FAM227B: variants seen among roughly 807,000 people sequenced by gnomAD.
FAM227B encodes family with sequence similarity 227 member B.
A neutral mutation model predicts 73.8 loss-of-function variants in FAM227B; 88 were observed. That is an observed-to-expected ratio of 1.19 (90% CI 1.00 to 1.42). The LOEUF is 1.42. FAM227B is among the 40% of genes most tolerant of loss of function. FAM227B has a pLI of 0.00. For missense variants in FAM227B, 632 were observed against 590.9 expected (o/e 1.07, Z -0.72); for synonymous variants, 210 against 190.5 (o/e 1.10, Z -0.84).
At chr15:49,522,063 T>G (rs1273122700) in intron 10 of FAM227B, among the ~76,000 whole-genome samples, 1 of 152,092 alleles carries the variant, frequency 6.6e-6, no homozygotes, top group East Asian at 1.9e-4. Flanking sequence ...GAGATAAGCT[T>G]CCTAAGACAT....
chr15:49,588,599 AT>A (rs1866157112), intron 4 of FAM227B, among the ~76,000 whole-genome samples: 1 of 107,792 alleles, frequency 9.3e-6, no homozygotes, highest in African/African-American at 3.6e-5. Flanking sequence ...ATATATATAT[AT>A]AAAATTACCT....
chr15:49,393,212 G>A (rs934721627), intron 11 of FAM227B, among the ~76,000 whole-genome samples: 1 of 151,990 alleles, frequency 6.6e-6, no homozygotes, highest in Non-Finnish European at 1.5e-5. Context: ...GTGGGGAGAG[G>A]GCTCAAATGT....
chr15:49,538,853 T>A (rs752797197), intron 10 of FAM227B, among the ~76,000 whole-genome samples: 1 of 152,166 alleles, frequency 6.6e-6, no homozygotes, highest in Admixed American at 6.6e-5. Flanking sequence ...TCTTTTTCTA[T>A]TGTTTAGTTG....
At chr15:49,366,234 T>C (rs2045160256) in intron 13 of FAM227B, 1 of 786,538 alleles carries the variant, frequency 1.3e-6, no homozygotes, top group Non-Finnish European at 2.4e-6. Context: ...TTTCCTAGAG[T>C]CTGCTTCATA....
intron 13 of FAM227B, among the ~76,000 whole-genome samples, chr15:49,355,980 C>A (rs2151350187): frequency 6.6e-6 from 1 of 151,340 alleles, no homozygotes; most frequent in Middle Eastern, 3.4e-3. Flanking sequence ...ATTTCATATC[C>A]AGCCAAACTA....
intron 11 of FAM227B, among the ~76,000 whole-genome samples, chr15:49,494,577 G>T (rs2057435111): frequency 6.6e-6 from 1 of 152,058 alleles, no homozygotes; most frequent in Non-Finnish European, 1.5e-5. Flanking sequence ...CTCTCAGTTG[G>T]AGGCTCTTTT....
At chr15:49,480,239 A>G (rs555384804) in intron 11 of FAM227B, among the ~76,000 whole-genome samples, 2 of 152,298 alleles carry the variant, frequency 1.3e-5, no homozygotes, top group South Asian at 4.1e-4. Context: ...TTTACAAAGA[A>G]TTTTTGGTAT....
At chr15:49,468,807 C>A (rs146255392) in intron 11 of FAM227B, among the ~76,000 whole-genome samples, 1 of 152,198 alleles carries the variant, frequency 6.6e-6, no homozygotes, top group Middle Eastern at 3.2e-3. Flanking sequence ...TATCCCAATA[C>A]TAGCACTGAC....
At chr15:49,373,938 T>C (rs1332617767) in intron 11 of FAM227B, among the ~76,000 whole-genome samples, 1 of 152,192 alleles carries the variant, frequency 6.6e-6, no homozygotes, top group Admixed American at 6.5e-5. Context: ...TTTAATCTTG[T>C]ATTGAAATGC....
intron 11 of FAM227B, among the ~76,000 whole-genome samples, chr15:49,500,091 T>G (rs1015621787): frequency 6.6e-6 from 1 of 152,238 alleles, no homozygotes; most frequent in Non-Finnish European, 1.5e-5. Context: ...TTGTAAAATA[T>G]GTATCTGAAA....
rs926595798 is a variant in FAM227B at position 49,411,865 on chromosome 15, T to C, written c.1013-40466A>G. 2.0e-5 allele frequency among the ~76,000 whole-genome samples: 3 copies of C among 152,086 alleles called. No homozygotes were observed. The East Asian group carries it at 5.8e-4, about 29-fold the overall frequency. ...CCAAAATTGTGCACAAATAATAGGA[T>C]ATATCAATTGTTATGGGGAATTTTA... On this transcript the variant is annotated intron_variant, in intron 11 of 15. Coordinates refer to ENST00000299338, the MANE Select transcript of FAM227B (RefSeq NM_152647.3).
In FAM227B at chr15:49,481,602, T is replaced by C. The variant is rs1185056958; in HGVS notation, c.1012+26609A>G. ...CTCTAGCCTATTCAGGCCTGTGTTC[T>C]TCAAAATTCTGCAAAATATATGGAC... On this transcript the variant is annotated intron_variant, in intron 11 of 15. Transcript: ENST00000299338. Among the ~76,000 whole-genome samples, 9 of 152,294 alleles carry C rather than the reference T, an allele frequency of 5.9e-5. No individual in the cohort carries two copies. The South Asian group carries it at 1.5e-3, about 25-fold the overall frequency.
intron 11 of FAM227B, chr15:49,434,426 T>G (rs2050901056): frequency 6.6e-6 from 1 of 151,308 alleles, no homozygotes; most frequent in Non-Finnish European, 1.5e-5. Context: ...TCAGAGTGAG[T>G]AAGTTTAGGG....
At chr15:49,366,749 C>A in intron 13 of FAM227B, 1 of 827,658 alleles carries the variant, frequency 1.2e-6, no homozygotes, top group Admixed American at 2.3e-5. Flanking sequence ...GCTGGGAGTC[C>A]CGCCACTGCG....
chr15:49,538,002 G>A (rs2070511807), intron 10 of FAM227B, among the ~76,000 whole-genome samples: 2 of 152,050 alleles, frequency 1.3e-5, no homozygotes, highest in Non-Finnish European at 2.9e-5. Context: ...AAGATCTAAT[G>A]TACAACATTA....
chr15:49,379,410 A>G (rs567522402), intron 11 of FAM227B, among the ~76,000 whole-genome samples: 1 of 152,138 alleles, frequency 6.6e-6, no homozygotes, highest in Non-Finnish European at 1.5e-5. Context: ...GAATTCAGCT[A>G]TGAGATCCTG....
intron 11 of FAM227B, among the ~76,000 whole-genome samples, chr15:49,397,132 GA>G (rs2047737085): frequency 6.6e-6 from 1 of 152,058 alleles, no homozygotes; most frequent in African/African-American, 2.4e-5. Flanking sequence ...TTAGAATAAC[GA>G]ATACAGAGAA....
At chr15:49,426,391 C>T (rs1313651038) in intron 11 of FAM227B, among the ~76,000 whole-genome samples, 1 of 151,894 alleles carries the variant, frequency 6.6e-6, no homozygotes, top group Non-Finnish European at 1.5e-5. Context: ...GGTTACCAAA[C>T]CTTAACTGTG....
chr15:49,497,231 A>G (rs1392936643), intron 11 of FAM227B, among the ~76,000 whole-genome samples: 1 of 152,212 alleles, frequency 6.6e-6, no homozygotes, highest in Non-Finnish European at 1.5e-5. Flanking sequence ...GAGCAGATGA[A>G]ACATTAGGGA....
Sources: allele counts gnomAD v4.1 joint callset (sites outside exome capture counted in the v4.1 genomes callset), GRCh38; gene constraint gnomAD v4.1.1; transcripts MANE v1.5; gene names NCBI Gene and HGNC (gene_info 2026-07-23, HGNC 2026-07-21).